The following ASH1L variants were observed in gnomAD, a reference collection of about 807,000 sequenced individuals.
The protein encoded by ASH1L is histone-lysine N-methyltransferase ASH1L.
A neutral mutation model predicts 269.0 loss-of-function variants in ASH1L; 23 were observed. The ratio of observed to expected loss-of-function variants is 0.09; its 90% CI spans 0.06 to 0.12. The LOEUF is 0.12. ASH1L is among the 10% of genes least tolerant of loss of function. ASH1L has a pLI of 1.00. For synonymous variants in ASH1L, 1,187 were observed against 1,253.5 expected (o/e 0.95, Z 1.12); for missense variants, 2,912 against 3,567.8 (o/e 0.82, Z 4.68).
At chr1:155,447,310 CAATT>C (rs1663111745) in intron 4 of ASH1L, among the ~76,000 whole-genome samples, 1 of 152,146 alleles carries the variant, frequency 6.6e-6, no homozygotes, top group African/African-American at 2.4e-5. Context: ...TCTACTTAGA[CAATT>C]AGGTGATTTT....
rs200380391 is a variant in ASH1L at position 155,349,572 on chromosome 1, G to C, written c.7391C>G (p.Ala2464Gly). ...YKDSSRQALAAPLLNLPPKKK... is the reference protein window; with the variant it reads ...YKDSSRQALAGPLLNLPPKKK... The stretch of plus-strand genomic sequence containing the variant: ...CTTTGGGGGAAGGTTCAAAAGTGGA[G>C]CTGCCAGTGCTTGCCGGGAAGAATC... The change falls in exon 18 of 28, where the codon GCT becomes GGT. Residue 2464 changes from alanine to glycine, a missense_variant. Ala to Gly is a moderately conservative substitution (Grantham distance 60). Transcript: ENST00000392403. 3 of 1,614,002 alleles carry C rather than the reference G, an allele frequency of 1.9e-6. No individual in the cohort carries two copies. Among genetic ancestry groups the C allele is most frequent in the Non-Finnish European group, 2.5e-6 (3 of 1,179,986 alleles).
chr1:155,505,564 T>C (rs528774586), intron 2 of ASH1L, among the ~76,000 whole-genome samples: 136 of 152,290 alleles, frequency 8.9e-4, no homozygotes, highest in African/African-American at 3.1e-3. Flanking sequence ...ATTTTAAGTA[T>C]AAAAGGCACA....
In ASH1L at chr1:155,506,384, A is replaced by T. The variant is rs189653481; in HGVS notation, c.420+14716T>A. 3.2e-3 allele frequency among the ~76,000 whole-genome samples: 494 copies of T among 152,322 alleles called. 3 individuals carry two copies. The highest frequency in any genetic ancestry group is 0.01 in the Middle Eastern group (3 of 294). On this transcript the variant is annotated intron_variant, in intron 2 of 27. Transcript: ENST00000392403. ...GAGCAAGAACTAAGGCACTATTATT[A>T]TCCATTTTTCTTATTTAAGAAACAA...
Position 155,337,545 on chromosome 1 carries a change from C to T in ASH1L, c.*115G>A. On this transcript the variant is annotated 3_prime_UTR_variant, in exon 28 of 28. Coordinates refer to ENST00000392403, the MANE Select transcript of ASH1L (RefSeq NM_018489.3). ...AGTACCTAATGTCAACAACATGGCC[C>T]CATTCCCCTTGCCCAGATGGACCCT... is the stretch of plus-strand genomic sequence containing the variant. 1.2e-6 allele frequency: 1 copy of T among 806,122 alleles called. No homozygotes were observed. The highest frequency in any genetic ancestry group is 2.1e-6 in the Non-Finnish European group (1 of 471,402). The allele number at this position is 806,122 out of a possible 1,614,324, so 49.9% of individuals were successfully genotyped here. A position where few individuals can be genotyped will look rare whatever the true frequency, so the allele number is the denominator to read the frequency against.
chr1:155,438,997 G>A lies in ASH1L; in HGVS notation c.5158C>T (p.Arg1720Trp). 1 of 1,614,110 alleles carries A rather than the reference G, an allele frequency of 6.2e-7. No homozygotes were observed. Among genetic ancestry groups the A allele is most frequent in the South Asian group, 1.1e-5 (1 of 91,078 alleles). ...GDDSVDSLLQRMVQNEDQEPM... is the reference protein window; with the variant it reads ...GDDSVDSLLQWMVQNEDQEPM... Reference sequence around the variant, plus strand: ...TCTTGGTCCTCATTTTGTACCATCCGCTGCAGCAGACTATCCACAGAGTCA... The same window carrying A: ...TCTTGGTCCTCATTTTGTACCATCCACTGCAGCAGACTATCCACAGAGTCA... The change falls in exon 5 of 28, where the codon CGG (arginine) becomes TGG (tryptophan). Residue 1720 changes from arginine to tryptophan, a missense_variant. Transcript: ENST00000392403.
Position 155,393,249 on chromosome 1 carries a change from C to T in ASH1L, c.6103+2210G>A, listed in dbSNP as rs369998580. ...CCCAATACAGAATAATTCAAGCAAA[C>T]TAATCTTTACTGAAGAACTTGTTTA... is the stretch of plus-strand genomic sequence containing the variant. On this transcript the variant is annotated intron_variant, in intron 7 of 27. Transcript: ENST00000392403. Among the ~76,000 whole-genome samples the T allele has an allele frequency of 4.3e-4, 66 of 152,232 alleles. No homozygotes were observed. The South Asian group carries it at 0.013, about 30-fold the overall frequency.
chr1:155,352,635 T>C (rs1654033265), intron 17 of ASH1L, 71 bp downstream of exon 17: 2 of 1,440,106 alleles, frequency 1.4e-6, no homozygotes, highest in Admixed American at 5.0e-5. Context: ...CAAGACCCTA[T>C]CTCTATTTAT....
intron 1 of ASH1L, among the ~76,000 whole-genome samples, chr1:155,550,310 G>A (rs762249124): frequency 6.6e-6 from 1 of 152,106 alleles, no homozygotes; most frequent in African/African-American, 2.4e-5. Context: ...GAACCACTAC[G>A]CCCAGTCCAC....
intron 2 of ASH1L, among the ~76,000 whole-genome samples, chr1:155,498,438 T>C (rs550522025): frequency 6.6e-6 from 1 of 152,160 alleles, no homozygotes; most frequent in Non-Finnish European, 1.5e-5. Context: ...TTTTTTTGTT[T>C]TGTTTTGTTT....
Position 155,521,097 on chromosome 1 carries a change from T to C in ASH1L, c.420+3A>G, listed in dbSNP as rs1323703226. On this transcript the variant is annotated splice_donor_region_variant and intron_variant, in intron 2 of 27. Coordinates refer to ENST00000392403, the MANE Select transcript of ASH1L (RefSeq NM_018489.3). ...ACCACATATTGTTAGGAATTCTACT[T>C]ACTCGTTTTGAAGGACAGTGTTCAT... 6.3e-7 allele frequency: 1 copy of C among 1,584,530 alleles called. No individual in the cohort carries two copies. The highest frequency in any genetic ancestry group is 1.4e-5 in the African/African-American group (1 of 73,234).
At chr1:155,410,223 C>T (rs1320314603) in intron 6 of ASH1L, among the ~76,000 whole-genome samples, 1 of 152,088 alleles carries the variant, frequency 6.6e-6, no homozygotes, top group Non-Finnish European at 1.5e-5. Context: ...GACCCCTGGA[C>T]TCAAGTGATC....
At chr1:155,385,947 A>T (rs1490891597) in intron 7 of ASH1L, among the ~76,000 whole-genome samples, 1 of 152,118 alleles carries the variant, frequency 6.6e-6, no homozygotes, top group East Asian at 1.9e-4. Context: ...TGTTACTGCT[A>T]GGTGTTGGTA....
chr1:155,446,703 G>C (rs1374931099), intron 4 of ASH1L, among the ~76,000 whole-genome samples: 1 of 146,388 alleles, frequency 6.8e-6, no homozygotes, highest in Non-Finnish European at 1.5e-5. Context: ...CTCACTGCAA[G>C]CTCCGCCTCC....
At chr1:155,392,397 T>C (rs1309222871) in intron 7 of ASH1L, among the ~76,000 whole-genome samples, 1 of 152,184 alleles carries the variant, frequency 6.6e-6, no homozygotes, top group Admixed American at 6.6e-5. Context: ...TTCTAATTAT[T>C]GATTTTTCTT....
upstream of ASH1L, chr1:155,562,981 G>T: frequency 2.2e-6 from 1 of 457,868 alleles, no homozygotes; most frequent in Non-Finnish European, 4.4e-6. Flanking sequence ...TCGGCTGCAG[G>T]GGCAGGAGAG....
chr1:155,519,149 T>C (rs1345813409), intron 2 of ASH1L, among the ~76,000 whole-genome samples: 1 of 152,036 alleles, frequency 6.6e-6, no homozygotes, highest in Non-Finnish European at 1.5e-5. Context: ...AAAAATAAAA[T>C]GGTGGCTGGG....
At chr1:155,540,310 T>C (rs1244720942) in intron 1 of ASH1L, among the ~76,000 whole-genome samples, 1 of 152,136 alleles carries the variant, frequency 6.6e-6, no homozygotes, top group African/African-American at 2.4e-5. Flanking sequence ...TGAATAGAAA[T>C]TGTTGTAAGG....
chr1:155,552,698 C>T (rs1261507367), intron 1 of ASH1L, among the ~76,000 whole-genome samples: 1 of 151,526 alleles, frequency 6.6e-6, no homozygotes, highest in African/African-American at 2.4e-5. Flanking sequence ...AGGGAAAATA[C>T]GAAATTGGAA....
chr1:155,445,714 T>A (rs905603135), intron 4 of ASH1L, among the ~76,000 whole-genome samples: 1 of 152,206 alleles, frequency 6.6e-6, no homozygotes, highest in Non-Finnish European at 1.5e-5. Context: ...CAGAGTGATC[T>A]GGAGAAAGGT....
Sources: allele counts gnomAD v4.1 joint callset (sites outside exome capture counted in the v4.1 genomes callset), GRCh38; gene constraint gnomAD v4.1.1; transcripts MANE v1.5; gene names NCBI Gene and HGNC (gene_info 2026-07-23, HGNC 2026-07-21).